MAML2: variants seen among roughly 807,000 people sequenced by gnomAD.
MAML2 encodes mastermind-like protein 2.
In MAML2, 22 loss-of-function variants were observed where a neutral mutation model predicts 96.1. The ratio of observed to expected loss-of-function variants is 0.23; its 90% CI spans 0.16 to 0.33. MAML2 has a LOEUF of 0.33. MAML2 is among the 10% of genes least tolerant of loss of function. The probability of loss-of-function intolerance (pLI) is 1.00; values close to 1 mark genes in which losing one functional copy is unlikely to be tolerated. For synonymous variants in MAML2, 561 were observed against 521.3 expected (o/e 1.08, Z -1.04); for missense variants, 1,367 against 1,392.4 (o/e 0.98, Z 0.29).
chr11:96,115,844 T>A (rs1042196581), intron 1 of MAML2, among the ~76,000 whole-genome samples: 1 of 152,166 alleles, frequency 6.6e-6, no homozygotes, highest in Admixed American at 6.5e-5. Flanking sequence ...GGATCTCAAC[T>A]TGAAGCACTG....
intron 3 of MAML2, among the ~76,000 whole-genome samples, chr11:95,986,026 C>G (rs956500037): frequency 6.6e-6 from 1 of 152,148 alleles, no homozygotes; most frequent in Non-Finnish European, 1.5e-5. Flanking sequence ...CCAAACACCC[C>G]CCTCTCTTGT....
At chr11:96,082,446 G>C (rs368884037) in intron 2 of MAML2, among the ~76,000 whole-genome samples, 2 of 152,206 alleles carry the variant, frequency 1.3e-5, no homozygotes, top group South Asian at 4.1e-4. Context: ...AGGGGATGGA[G>C]AGAGTGAAGG....
intron 1 of MAML2, among the ~76,000 whole-genome samples, chr11:96,252,709 C>T (rs775107050): frequency 6.6e-6 from 1 of 152,092 alleles, no homozygotes; most frequent in African/African-American, 2.4e-5. Flanking sequence ...AGATGAGGCA[C>T]CTGAGGCAAG....
chr11:96,035,727 C>A (rs1858701281), intron 2 of MAML2, among the ~76,000 whole-genome samples: 1 of 152,214 alleles, frequency 6.6e-6, no homozygotes, highest in Non-Finnish European at 1.5e-5. Flanking sequence ...CCACTGTATT[C>A]TTCCAGGAAA....
intron 1 of MAML2, among the ~76,000 whole-genome samples, chr11:96,187,481 G>T (rs1861591288): frequency 6.6e-6 from 1 of 152,214 alleles, no homozygotes. Context: ...GTAAATGCTT[G>T]AACTCCCAGC....
intron 2 of MAML2, among the ~76,000 whole-genome samples, chr11:96,002,939 A>C (rs1858115032): frequency 6.9e-6 from 1 of 144,834 alleles, no homozygotes; most frequent in South Asian, 2.3e-4. Context: ...GATGATGGGG[A>C]TGATAAGAAG....
intron 2 of MAML2, among the ~76,000 whole-genome samples, chr11:96,058,342 T>G (rs1419821177): frequency 6.6e-6 from 1 of 152,176 alleles, no homozygotes; most frequent in Non-Finnish European, 1.5e-5. Context: ...TCTTTTGAGA[T>G]GGAGTCGCAC....
At chr11:96,033,292 T>G (rs1858648199) in intron 2 of MAML2, among the ~76,000 whole-genome samples, 1 of 152,214 alleles carries the variant, frequency 6.6e-6, no homozygotes, top group Non-Finnish European at 1.5e-5. Context: ...CTTCCACTTT[T>G]GCAACATTTA....
intron 1 of MAML2, among the ~76,000 whole-genome samples, chr11:96,126,972 T>C (rs1591028798): frequency 6.6e-6 from 1 of 152,072 alleles, no homozygotes. Flanking sequence ...TCATCTCAGG[T>C]GCGGTTCCTA....
At chr11:96,195,430 A>G (rs528538989) in intron 1 of MAML2, among the ~76,000 whole-genome samples, 6 of 152,342 alleles carry the variant, frequency 3.9e-5, no homozygotes, top group Non-Finnish European at 8.8e-5. Context: ...TCAAGAACCC[A>G]GGGATTGCAG....
At chr11:96,210,721 A>C (rs1861959383) in intron 1 of MAML2, among the ~76,000 whole-genome samples, 1 of 152,216 alleles carries the variant, frequency 6.6e-6, no homozygotes, top group South Asian at 2.1e-4. Context: ...TAGAGCATAG[A>C]GTAAGTGCCC....
At position 96,092,228 on chromosome 11, in the gene MAML2, C is replaced by CTGT; in HGVS notation, c.1802_1803insACA (p.Gln621dup). 6.6e-7 allele frequency: 1 copy of CTGT among 1,514,342 alleles called. No individual in the cohort carries two copies. The highest frequency in any genetic ancestry group is 8.9e-7 in the Non-Finnish European group (1 of 1,122,490). The allele number at this position is 1,514,342 out of a possible 1,614,324, so 93.8% of individuals were successfully genotyped here. A position where few individuals can be genotyped will look rare whatever the true frequency, so the allele number is the denominator to read the frequency against. On this transcript the variant is annotated inframe_insertion, in exon 2 of 5. Coordinates refer to ENST00000524717, the MANE Select transcript of MAML2 (RefSeq NM_032427.4). The surrounding 1 kb of genome is among the most constrained non-coding windows in gnomAD (Gnocchi z 4.1). Reference sequence around the variant, plus strand: ...GCTGCTGTTGCTGCTGCTGCTGCTGCTGCTGCTGCTGCTGCTGCTGCTGTT... The same window carrying CTGT: ...GCTGCTGTTGCTGCTGCTGCTGCTGCTGTTGCTGCTGCTGCTGCTGCTGCTGTT...
chr11:96,309,931 G>A (rs1403788267), intron 1 of MAML2, among the ~76,000 whole-genome samples: 1 of 151,942 alleles, frequency 6.6e-6, no homozygotes, highest in African/African-American at 2.4e-5. Flanking sequence ...TTAAACTCCT[G>A]GACTCAAGCA....
intron 2 of MAML2, among the ~76,000 whole-genome samples, chr11:96,022,032 TG>T (rs1286013926): frequency 1.3e-5 from 2 of 152,138 alleles, no homozygotes; most frequent in East Asian, 3.9e-4. Flanking sequence ...ATGACTAAGC[TG>T]GGGTCTCTGT....
chr11:96,135,562 T>TTTTTA (rs1860616728), intron 1 of MAML2, among the ~76,000 whole-genome samples: 2 of 145,166 alleles, frequency 1.4e-5, no homozygotes, highest in Non-Finnish European at 1.5e-5. Context: ...TTTTTTTTTT[T>TTTTTA]AAACCGTGGT....
At chr11:96,202,207 C>G (rs1240190778) in intron 1 of MAML2, among the ~76,000 whole-genome samples, 1 of 145,412 alleles carries the variant, frequency 6.9e-6, no homozygotes, top group Admixed American at 6.9e-5. Context: ...AAAAATTAGC[C>G]GGGGGTGGTG....
chr11:96,060,421 A>G (rs969433107), intron 2 of MAML2, among the ~76,000 whole-genome samples: 33 of 151,932 alleles, frequency 2.2e-4, no homozygotes, highest in Middle Eastern at 3.4e-3. Flanking sequence ...CTATACGTGG[A>G]TCCGGACTTG....
At chr11:96,070,022 C>T (rs1054472938) in intron 2 of MAML2, among the ~76,000 whole-genome samples, 4 of 148,802 alleles carry the variant, frequency 2.7e-5, no homozygotes, top group African/African-American at 1.0e-4. Flanking sequence ...GACTCTGTCT[C>T]AAAAATAAAT....
At chr11:96,076,926 T>C (rs1228422276) in intron 2 of MAML2, among the ~76,000 whole-genome samples, 1 of 152,108 alleles carries the variant, frequency 6.6e-6, no homozygotes, top group Non-Finnish European at 1.5e-5. Context: ...TCTGACCCCA[T>C]TTCAAGTGTT....
Sources: allele counts gnomAD v4.1 joint callset (sites outside exome capture counted in the v4.1 genomes callset), GRCh38; gene constraint gnomAD v4.1.1; non-coding constraint Gnocchi (gnomAD v3.1); transcripts MANE v1.5; gene names NCBI Gene and HGNC (gene_info 2026-07-23, HGNC 2026-07-21).